The following RAB8B variants were observed in gnomAD, a reference collection of about 807,000 sequenced individuals.
The protein encoded by RAB8B is ras-related protein Rab-8B.
RAB8B carries 11 observed loss-of-function variants against 32.0 expected under a neutral mutation model. That is an observed-to-expected ratio of 0.34 (90% CI 0.22 to 0.57). RAB8B has a LOEUF of 0.57. RAB8B is among the 20% of genes least tolerant of loss of function. The probability of loss-of-function intolerance (pLI) is 0.86; values close to 1 mark genes in which losing one functional copy is unlikely to be tolerated. For synonymous variants in RAB8B, 103 were observed against 89.6 expected (o/e 1.15, Z -0.85); for missense variants, 190 against 258.5 (o/e 0.73, Z 1.82).
intron 1 of RAB8B, among the ~76,000 whole-genome samples, chr15:63,206,600 G>A (rs2037700170): frequency 6.6e-6 from 1 of 152,016 alleles, no homozygotes; most frequent in African/African-American, 2.4e-5. Context: ...CCACTCTCCT[G>A]GGACCTGGCC....
intron 1 of RAB8B, among the ~76,000 whole-genome samples, chr15:63,229,115 T>G (rs1233500835): frequency 6.6e-6 from 1 of 152,236 alleles, no homozygotes. Context: ...AAGGATCACT[T>G]TTAATAGCTT....
chr15:63,221,874 T>C (rs1299456238), intron 1 of RAB8B, among the ~76,000 whole-genome samples: 1 of 152,250 alleles, frequency 6.6e-6, no homozygotes, highest in Non-Finnish European at 1.5e-5. Context: ...TACTTGATGT[T>C]TGTGGAGGCA....
chr15:63,201,315 A>G (rs922407210), intron 1 of RAB8B, among the ~76,000 whole-genome samples: 1 of 152,228 alleles, frequency 6.6e-6, no homozygotes, highest in Non-Finnish European at 1.5e-5. Flanking sequence ...GGAGGGAATT[A>G]TATCTCAGCT....
In RAB8B at chr15:63,189,879, T is replaced by TGAGAGGGGCGAGGGCGTGAGG. The variant is rs61017671; in HGVS notation, c.124+158_124+178dup. ...GGGGACTGCAAGGTGGCGGGGGCAC[T>TGAGAGGGGCGAGGGCGTGAGG]GAGAGGGGCGAGGGCGTGAGGGAGA... is the stretch of plus-strand genomic sequence containing the variant. On this transcript the variant is annotated intron_variant, in intron 1 of 7. Transcript: ENST00000321437. 6,422 of 913,890 alleles carry TGAGAGGGGCGAGGGCGTGAGG rather than the reference T, an allele frequency of 7.0e-3. 427 individuals are homozygous for TGAGAGGGGCGAGGGCGTGAGG. The highest frequency in any genetic ancestry group is 0.069 in the Admixed American group (1,139 of 16,418). 56.6% of individuals were successfully genotyped at this position (913,890 alleles called of 1,614,324 possible). A position where few individuals can be genotyped will look rare whatever the true frequency, so the allele number is the denominator to read the frequency against.
intron 1 of RAB8B, among the ~76,000 whole-genome samples, chr15:63,219,800 A>G (rs1332628917): frequency 6.6e-6 from 1 of 152,150 alleles, no homozygotes; most frequent in African/African-American, 2.4e-5. Context: ...TATTGAGCCT[A>G]TATTGATGGA....
At chr15:63,249,842 A>G in intron 3 of RAB8B, 137 bp downstream of exon 3, 2 of 1,011,040 alleles carry the variant, frequency 2.0e-6, no homozygotes, top group African/African-American at 3.3e-5. Flanking sequence ...AGACATTTAA[A>G]AGGTTTTTTG....
chr15:63,240,137 AC>A (rs1426056422), intron 1 of RAB8B, among the ~76,000 whole-genome samples: 1 of 152,170 alleles, frequency 6.6e-6, no homozygotes, highest in Non-Finnish European at 1.5e-5. Context: ...AGGCTGTATC[AC>A]CAGGCTGAAG....
At chr15:63,230,447 GC>G (rs1825110633) in intron 1 of RAB8B, among the ~76,000 whole-genome samples, 1 of 151,852 alleles carries the variant, frequency 6.6e-6, no homozygotes, top group Non-Finnish European at 1.5e-5. Context: ...GATTACAGGC[GC>G]CCACCACCAC....
intron 1 of RAB8B, among the ~76,000 whole-genome samples, chr15:63,242,949 T>C (rs1252983117): frequency 1.3e-5 from 2 of 152,216 alleles, no homozygotes; most frequent in Non-Finnish European, 2.9e-5. Context: ...TATTACATTG[T>C]AATATATAAT....
chr15:63,261,075 C>T (rs533905204), intron 6 of RAB8B, among the ~76,000 whole-genome samples: 12 of 152,166 alleles, frequency 7.9e-5, no homozygotes, highest in South Asian at 4.2e-4. Context: ...AAGGATTTCC[C>T]GCCATCAGAA....
At chr15:63,222,522 A>G (rs1273674101) in intron 1 of RAB8B, among the ~76,000 whole-genome samples, 1 of 152,158 alleles carries the variant, frequency 6.6e-6, no homozygotes, top group African/African-American at 2.4e-5. Context: ...TAAGTTGATG[A>G]TGATGATGAT....
At position 63,259,567 on chromosome 15, in the gene RAB8B, A is replaced by C; in HGVS notation, c.415-60A>C. 2.9e-6 allele frequency: 4 copies of C among 1,373,062 alleles called. No homozygotes were observed. The highest frequency in any genetic ancestry group is 4.1e-6 in the Non-Finnish European group (4 of 966,478). The allele number at this position is 1,373,062 out of a possible 1,614,324, so 85.1% of individuals were successfully genotyped here. ...AGACTTTGAAAAACCTAAGAAATAC[A>C]AATGCATTATGTGTTCAAGTATCTT... is the stretch of plus-strand genomic sequence containing the variant. On this transcript the variant is annotated intron_variant, in intron 5 of 7. Coordinates refer to ENST00000321437, the MANE Select transcript of RAB8B (RefSeq NM_016530.3). The surrounding 1 kb of genome is among the most constrained non-coding windows in gnomAD (Gnocchi z 4.4).
intron 1 of RAB8B, among the ~76,000 whole-genome samples, chr15:63,225,076 A>G (rs183731697): frequency 2.3e-4 from 35 of 152,364 alleles, no homozygotes; most frequent in Middle Eastern, 3.4e-3. Context: ...TAGGTACACA[A>G]TAAATATAAT....
chr15:63,197,232 GA>G (rs1405394083), intron 1 of RAB8B, among the ~76,000 whole-genome samples: 2 of 151,202 alleles, frequency 1.3e-5, no homozygotes, highest in Non-Finnish European at 1.5e-5. Flanking sequence ...CTATAGTACT[GA>G]TGTTTATGGT....
At chr15:63,231,828 A>T (rs960995457) in intron 1 of RAB8B, among the ~76,000 whole-genome samples, 1 of 152,158 alleles carries the variant, frequency 6.6e-6, no homozygotes, top group Non-Finnish European at 1.5e-5. Context: ...TAGCCCCTTT[A>T]TGAAAAGAGA....
chr15:63,200,921 A>G (rs1375192433), intron 1 of RAB8B, among the ~76,000 whole-genome samples: 1 of 152,206 alleles, frequency 6.6e-6, no homozygotes, highest in East Asian at 1.9e-4. Flanking sequence ...ATTTTGTGGG[A>G]GAAAAGGAAG....
At chr15:63,205,497 C>A (rs2037690679) in intron 1 of RAB8B, among the ~76,000 whole-genome samples, 1 of 151,642 alleles carries the variant, frequency 6.6e-6, no homozygotes, top group Non-Finnish European at 1.5e-5. Context: ...GACCCTGTAT[C>A]AAAAAACAAA....
At chr15:63,219,416 G>C (rs1315716717) in intron 1 of RAB8B, among the ~76,000 whole-genome samples, 1 of 151,436 alleles carries the variant, frequency 6.6e-6, no homozygotes, top group Non-Finnish European at 1.5e-5. Flanking sequence ...CCATTACTGG[G>C]TCATGAAGTC....
At chr15:63,262,057 G>A (rs2038207364) in intron 6 of RAB8B, among the ~76,000 whole-genome samples, 1 of 152,184 alleles carries the variant, frequency 6.6e-6, no homozygotes, top group Non-Finnish European at 1.5e-5. Flanking sequence ...CTATAAGAGT[G>A]AGAGCAATTT....
Sources: gnomAD v4.1 joint callset for allele counts (sites outside exome capture counted in the v4.1 genomes callset) on GRCh38, gnomAD v4.1.1 for gene constraint, Gnocchi (gnomAD v3.1) non-coding constraint, MANE v1.5 for transcripts, NCBI Gene and HGNC (gene_info 2026-07-23, HGNC 2026-07-21) for gene names.